The following CCDC136 variants were observed in gnomAD, a reference collection of about 807,000 sequenced individuals.
The protein encoded by CCDC136 is coiled-coil domain containing 136, also known as coiled-coil domain-containing protein 136.
CCDC136 carries 100 observed loss-of-function variants against 141.2 expected under a neutral mutation model. The ratio of observed to expected loss-of-function variants is 0.71; its 90% CI spans 0.60 to 0.84. The LOEUF is 0.84. CCDC136 is among the 40% of genes least tolerant of loss of function. The probability of loss-of-function intolerance (pLI) is 0.00; values close to 1 mark genes in which losing one functional copy is unlikely to be tolerated. For synonymous variants in CCDC136, 474 were observed against 531.9 expected (o/e 0.89, Z 1.50); for missense variants, 1,206 against 1,379.4 (o/e 0.87, Z 1.99).
Position 128,814,877 on chromosome 7 carries a change from G to C in CCDC136, c.3003G>C (p.Lys1001Asn). ...ANGVKMKKVT[K>N]PCSDTSESDL... ...GGGTTAAAATGAAAAAGGTGACCAA[G>C]CCATGCTCGGATACTTCTGAGAGCG... Residue 1001 changes from lysine to asparagine, a missense_variant, in exon 15 of 18, where the codon AAG (lysine) becomes AAC (asparagine). By Grantham distance (94) the Lys-to-Asn change is moderately conservative (BLOSUM62 0). Coordinates refer to ENST00000297788, the MANE Select transcript of CCDC136 (RefSeq NM_022742.5). 1 of 1,606,110 alleles carries C rather than the reference G, an allele frequency of 6.2e-7. No individual in the cohort carries two copies.
In CCDC136 at chr7:128,796,743, T is replaced by TATA. The variant is rs1282909541; in HGVS notation, c.346+1975_346+1976insATA. 8.0e-3 allele frequency among the ~76,000 whole-genome samples: 798 copies of TATA among 99,422 alleles called. 33 individuals carry two copies. Among genetic ancestry groups the TATA allele is most frequent in the Admixed American group, 0.017 (183 of 10,524 alleles). The allele number at this position is 99,422 out of a possible 152,430, so 65.2% of individuals were successfully genotyped here. ...TCAGAATATATATATATATATATTC[T>TATA]TTTTTTTTTTTTTTTTGAGACGGAG... On this transcript the variant is annotated intron_variant, in intron 3 of 17. Transcript: ENST00000297788.
At position 128,812,723 on chromosome 7, in the gene CCDC136, G is replaced by A. The variant is rs751995714; in HGVS notation, c.2557G>A (p.Val853Ile). The A allele has an allele frequency of 1.9e-6, 3 of 1,613,258 alleles. No individual in the cohort carries two copies. Among genetic ancestry groups the A allele is most frequent in the Admixed American group, 1.7e-5 (1 of 59,968 alleles). Residue 853 changes from valine (V) to isoleucine (I), a missense_variant, in exon 14 of 18, where the codon GTT (valine) becomes ATT (isoleucine). Val to Ile is a conservative substitution (Grantham distance 29, BLOSUM62 3). Coordinates refer to ENST00000297788, the MANE Select transcript of CCDC136 (RefSeq NM_022742.5). ...CCCCCCGCAGCGCTTTGAGGAAATG[G>A]TTGTGAAAGTGCTGATCAAGCTGCA... ...PEDMERFEEM[V>I]VKVLIKLQAV...
chr7:128,792,196 C>A lies in CCDC136; in HGVS notation c.-216C>A. ...CAGAGCCGCCAGAGTGAGTCAGGCA[C>A]CTCCACTGGGATTACAGATCCCAGA... On this transcript the variant is annotated 5_prime_UTR_variant, in exon 1 of 18. Transcript: ENST00000297788. 6.8e-7 allele frequency: 1 copy of A among 1,472,582 alleles called. No individual in the cohort carries two copies. The highest frequency in any genetic ancestry group is 2.5e-5 in the East Asian group (1 of 39,336). 91.2% of individuals were successfully genotyped at this position (1,472,582 alleles called of 1,614,324 possible).
At position 128,812,017 on chromosome 7, in the gene CCDC136, G is replaced by GT; in HGVS notation, c.2247dup (p.Ser750Ter). ...CTTGAGTCCTACGGGAAGAGCTATGGTAGCATGGTCCCCAGCAATGAGAAC... is the reference window on the plus strand; with the variant it reads ...CTTGAGTCCTACGGGAAGAGCTATGGTTAGCATGGTCCCCAGCAATGAGAAC... On this transcript the variant is annotated frameshift_variant, in exon 13 of 18. Transcript: ENST00000297788. LOFTEE classifies it high-confidence loss of function. 2 of 1,614,036 alleles carry GT rather than the reference G, an allele frequency of 1.2e-6. No individual in the cohort carries two copies. Among genetic ancestry groups the GT allele is most frequent in the Non-Finnish European group, 1.7e-6 (2 of 1,179,884 alleles).
chr7:128,801,273 T>C lies in CCDC136; in HGVS notation c.434T>C (p.Leu145Ser). 1 of 1,613,912 alleles carries C rather than the reference T, an allele frequency of 6.2e-7. No individual in the cohort carries two copies. The highest frequency in any genetic ancestry group is 1.3e-5 in the African/African-American group (1 of 75,022). ...ELKEIEQELH[L>S]AQAEIQSLRQ... ...AAGGAAATAGAACAGGAATTGCATT[T>C]GGCCCAGGCTGAGATCCAGAGTCTG... The change falls in exon 4 of 18, where the codon TTG becomes TCG. Residue 145 changes from leucine to serine, a missense_variant. Leu to Ser is a moderately radical substitution (Grantham distance 145). Coordinates refer to ENST00000297788, the MANE Select transcript of CCDC136 (RefSeq NM_022742.5).
chr7:128,803,006 C>A (rs543420458), intron 4 of CCDC136, among the ~76,000 whole-genome samples: 13 of 152,320 alleles, frequency 8.5e-5, no homozygotes, highest in Non-Finnish European at 1.6e-4. Context: ...ATATGGTAAT[C>A]TGCAGTATTC....
intron 12 of CCDC136, chr7:128,811,353 G>T (rs1250052343): frequency 4.4e-6 from 2 of 457,008 alleles, no homozygotes; most frequent in Non-Finnish European, 8.8e-6. Flanking sequence ...GGAACTAATA[G>T]TAAGACTTTG....
Position 128,814,766 on chromosome 7 carries a change from C to A in CCDC136, c.2892C>A (p.Leu964=), listed in dbSNP as rs1465150854. The A allele has an allele frequency of 6.2e-7, 1 of 1,613,512 alleles. No individual in the cohort carries two copies. The highest frequency in any genetic ancestry group is 8.5e-7 in the Non-Finnish European group (1 of 1,179,692). Residue 964 remains leucine (L), a synonymous_variant, in exon 15 of 18, where the codon CTC becomes CTA. Coordinates refer to ENST00000297788, the MANE Select transcript of CCDC136 (RefSeq NM_022742.5). ...EGQLQCCQEE[L]RQLREKRPSV... The stretch of plus-strand genomic sequence containing the variant: ...AGCTGCAGTGCTGCCAGGAGGAGCT[C>A]CGCCAGCTCAGGGAGAAGAGGCCTT...
Position 128,801,266 on chromosome 7 carries a change from T to C in CCDC136, c.427T>C (p.Leu143=). The C allele has an allele frequency of 6.2e-7, 1 of 1,613,864 alleles. No homozygotes were observed. Among genetic ancestry groups the C allele is most frequent in the Non-Finnish European group, 8.5e-7 (1 of 1,179,844 alleles). ...ESELKEIEQE[L]HLAQAEIQSL... ...CGAACTTAAGGAAATAGAACAGGAATTGCATTTGGCCCAGGCTGAGATCCA... is the reference window on the plus strand; with the variant it reads ...CGAACTTAAGGAAATAGAACAGGAACTGCATTTGGCCCAGGCTGAGATCCA... The change falls in exon 4 of 18, where the codon TTG becomes CTG. Residue 143 remains leucine, a synonymous_variant. Transcript: ENST00000297788.
At chr7:128,804,439 A>G (rs1804523703) in intron 4 of CCDC136, among the ~76,000 whole-genome samples, 2 of 152,226 alleles carry the variant, frequency 1.3e-5, no homozygotes, top group Admixed American at 6.5e-5. Flanking sequence ...GCAGATGAGA[A>G]GAAGGACAGC....
chr7:128,796,739 A>ATATATATATATATATT, intron 3 of CCDC136, among the ~76,000 whole-genome samples: 10 of 113,364 alleles, frequency 8.8e-5, no homozygotes, highest in African/African-American at 3.2e-4. Context: ...ATATATATAT[A>ATATATATATATATATT]TTCTTTTTTT....
Position 128,812,941 on chromosome 7 carries a change from C to G in CCDC136, c.2763+12C>G, listed in dbSNP as rs1438925669. On this transcript the variant is annotated intron_variant, in intron 14 of 17. Coordinates refer to ENST00000297788, the MANE Select transcript of CCDC136 (RefSeq NM_022742.5). ...ACGACAAGAATGAGGTAACCACTGT[C>G]AGGGAGGCAGGGTTTCCTCTGGCAG... 4 of 1,571,176 alleles carry G rather than the reference C, an allele frequency of 2.5e-6. No individual in the cohort carries two copies. Among genetic ancestry groups the G allele is most frequent in the Admixed American group, 1.8e-5 (1 of 55,732 alleles).
Position 128,815,612 on chromosome 7 carries a change from A to G in CCDC136, c.3046-2A>G, listed in dbSNP as rs1017115118. On this transcript the variant is annotated splice_acceptor_variant, in intron 15 of 17. Transcript: ENST00000297788. LOFTEE classifies it high-confidence loss of function. ...CCATCCTGCCCTACTCCCACCCCACAGAGTCTGGAGGTAGTGCTGTACTAC... is the reference window on the plus strand; with the variant it reads ...CCATCCTGCCCTACTCCCACCCCACGGAGTCTGGAGGTAGTGCTGTACTAC... The G allele has an allele frequency of 1.9e-6, 3 of 1,551,294 alleles. No homozygotes were observed. The highest frequency in any genetic ancestry group is 1.2e-5 in the South Asian group (1 of 83,878).
chr7:128,794,454 C>T lies in CCDC136; in HGVS notation c.123C>T (p.Gly41=), dbSNP rs374254797. 1.0e-5 allele frequency: 16 copies of T among 1,552,340 alleles called. No homozygotes were observed. In the African/African-American group the frequency reaches 2.2e-4, roughly 21 times the overall value. Residue 41 remains glycine, a synonymous_variant, in exon 2 of 18, where the codon GGC becomes GGT. Coordinates refer to ENST00000297788, the MANE Select transcript of CCDC136 (RefSeq NM_022742.5). This position sits in a 1 kb window ranked among gnomAD's most constrained non-coding sequence, Gnocchi z 4.3. ...AAGTGCAGAAAGGTGGCAGTGTTGG[C>T]TCTCTGTCAGTCAACAAGCACCGGG... The part of the protein sequence containing the change: ...EEQVQKGGSV[G]SLSVNKHRGL...
chr7:128,794,721 G>A lies in CCDC136; in HGVS notation c.299G>A (p.Ser100Asn). Residue 100 changes from serine to asparagine, a missense_variant, in exon 3 of 18, where the codon AGC becomes AAC. Physicochemically the swap from Ser to Asn is conservative, Grantham distance 46. Transcript: ENST00000297788. This position sits in a 1 kb window ranked among gnomAD's most constrained non-coding sequence, Gnocchi z 4.3. ...CTCCTGGAGGATGAACGGCTAGCCA[G>A]CGCCCAGCAGGCAGAGGTGTTCACC... ...QGLLEDERLA[S>N]AQQAEVFTKQ... 1 of 1,551,702 alleles carries A rather than the reference G, an allele frequency of 6.4e-7. No individual in the cohort carries two copies. Among genetic ancestry groups the A allele is most frequent in the East Asian group, 2.4e-5 (1 of 40,910 alleles).
chr7:128,809,795 T>A (rs1248266374), intron 11 of CCDC136, among the ~76,000 whole-genome samples, 151 bp downstream of exon 11: 1 of 152,160 alleles, frequency 6.6e-6, no homozygotes, highest in Non-Finnish European at 1.5e-5. Context: ...ACCAAAAAGC[T>A]CCATAGAGCC....
chr7:128,811,697 C>A, intron 12 of CCDC136, 103 bp from the exon 13 acceptor site: 2 of 1,063,142 alleles, frequency 1.9e-6, no homozygotes, highest in Non-Finnish European at 2.7e-6. Flanking sequence ...TGTAGGTGTG[C>A]CATTCTCTAA....
chr7:128,814,560 G>A, intron 14 of CCDC136, 78 bp from the exon 15 acceptor site: 1 of 1,183,834 alleles, frequency 8.4e-7, no homozygotes. Context: ...CCCAAGCAGG[G>A]CTGAGTTTGG....
At chr7:128,795,789 A>G (rs1238338972) in intron 3 of CCDC136, among the ~76,000 whole-genome samples, 1 of 152,172 alleles carries the variant, frequency 6.6e-6, no homozygotes, top group Non-Finnish European at 1.5e-5. Flanking sequence ...TAATTTATTT[A>G]TCACCTATTT....
Sources: gnomAD v4.1 joint callset for allele counts (sites outside exome capture counted in the v4.1 genomes callset) on GRCh38, gnomAD v4.1.1 for gene constraint, Gnocchi (gnomAD v3.1) non-coding constraint, MANE v1.5 for transcripts, NCBI Gene and HGNC (gene_info 2026-07-23, HGNC 2026-07-21) for gene names.